CNTN6: variants seen among roughly 807,000 people sequenced by gnomAD.
CNTN6 encodes the protein contactin 6.
Under a neutral mutation model 122.8 loss-of-function variants are expected in CNTN6, and 137 were observed. The observed-to-expected ratio is 1.12, with a 90% CI of 0.97 to 1.29. CNTN6 has a LOEUF of 1.29. Ranked by LOEUF, CNTN6 falls within the 50% of genes most tolerant of loss-of-function variation. The probability of loss-of-function intolerance (pLI) is 0.00; values close to 1 mark genes in which losing one functional copy is unlikely to be tolerated. For synonymous variants in CNTN6, 570 were observed against 426.0 expected (o/e 1.34, Z -4.16); for missense variants, 1,634 against 1,223.4 (o/e 1.34, Z -5.01).
intron 2 of CNTN6, among the ~76,000 whole-genome samples, chr3:1,171,736 C>T (rs1207324671): frequency 6.6e-6 from 1 of 152,038 alleles, no homozygotes; most frequent in African/African-American, 2.4e-5. Context: ...CCTCCCAAGT[C>T]CCTGGGACTA....
In CNTN6 at chr3:1,321,924, T is replaced by A. The variant is rs1700918083; in HGVS notation, c.946+90T>A. The A allele has an allele frequency of 3.5e-6, 4 of 1,152,032 alleles. No homozygotes were observed. In the East Asian group the frequency reaches 1.0e-4, roughly 29 times the overall value. The allele number at this position is 1,152,032 out of a possible 1,614,324, so 71.4% of individuals were successfully genotyped here. A position where few individuals can be genotyped will look rare whatever the true frequency, so the allele number is the denominator to read the frequency against. Reference sequence around the variant, plus strand: ...AAGTCATTAGCATGTTGTGAAAAAGTGTCACGGGAGAAATAAGGAAGGCAT... The same window carrying A: ...AAGTCATTAGCATGTTGTGAAAAAGAGTCACGGGAGAAATAAGGAAGGCAT... On this transcript the variant is annotated intron_variant, in intron 8 of 22. Coordinates refer to ENST00000446702, the MANE Select transcript of CNTN6 (RefSeq NM_001289080.2).
At chr3:1,278,530 C>G (rs375611295) in intron 5 of CNTN6, 22 bp downstream of exon 5, 1 of 1,548,764 alleles carries the variant, frequency 6.5e-7, no homozygotes, top group Middle Eastern at 1.7e-4. Context: ...TGATTTGGGT[C>G]ATATCATCAA....
intron 16 of CNTN6, among the ~76,000 whole-genome samples, chr3:1,375,171 G>A (rs1391241138): frequency 6.6e-6 from 1 of 151,990 alleles, no homozygotes; most frequent in African/African-American, 2.4e-5. Context: ...GAATCTTCAG[G>A]TGTTGTCCAT....
chr3:1,325,921 G>T lies in CNTN6; in HGVS notation c.1053G>T (p.Trp351Cys). The T allele has an allele frequency of 6.2e-7, 1 of 1,610,574 alleles. No individual in the cohort carries two copies. Among genetic ancestry groups the T allele is most frequent in the African/African-American group, 1.3e-5 (1 of 74,708 alleles). ...ASGKPNPWYT[W>C]LKNGERLNPE... ...GAAAGCCAAACCCTTGGTATACATG[G>T]TTAAAAAATGGTGAACGACTCAACC... Residue 351 changes from tryptophan (W) to cysteine (C), a missense_variant, in exon 9 of 23, where the codon TGG becomes TGT. Physicochemically the swap from Trp to Cys is radical, Grantham distance 215 (BLOSUM62 -2). Coordinates refer to ENST00000446702, the MANE Select transcript of CNTN6 (RefSeq NM_001289080.2).
chr3:1,281,394 G>T (rs6806144), intron 5 of CNTN6, among the ~76,000 whole-genome samples: 1 of 151,172 alleles, frequency 6.6e-6, no homozygotes, highest in Non-Finnish European at 1.5e-5. Flanking sequence ...TCGTGTGTAA[G>T]TATTAAACAA....
At chr3:1,322,111 A>G (rs368042178) in intron 8 of CNTN6, among the ~76,000 whole-genome samples, 3 of 151,872 alleles carry the variant, frequency 2.0e-5, no homozygotes, top group African/African-American at 7.2e-5. Flanking sequence ...TTATAATAAA[A>G]GGAAGCATGA....
intron 1 of CNTN6, among the ~76,000 whole-genome samples, chr3:1,124,515 A>G (rs13319279): frequency 0.13 from 19,218 of 151,822 alleles, 2,148 homozygotes; most frequent in African/African-American, 0.3. Flanking sequence ...GAATGATATA[A>G]TCGAGTTTGG....
rs774632448 is a variant in CNTN6 at position 1,372,966 on chromosome 3, A to G, written c.1786+11A>G. ...ATATCATTGTTAGAGGTAAGCATAAATGGTGAAAAAGTGATCACATTGTTT... is the reference window on the plus strand; with the variant it reads ...ATATCATTGTTAGAGGTAAGCATAAGTGGTGAAAAAGTGATCACATTGTTT... On this transcript the variant is annotated intron_variant, in intron 14 of 22. Coordinates refer to ENST00000446702, the MANE Select transcript of CNTN6 (RefSeq NM_001289080.2). 6.9e-7 allele frequency: 1 copy of G among 1,456,428 alleles called. No individual in the cohort carries two copies. Among genetic ancestry groups the G allele is most frequent in the South Asian group, 1.2e-5 (1 of 84,184 alleles). The allele number at this position is 1,456,428 out of a possible 1,614,324, so 90.2% of individuals were successfully genotyped here.
intron 22 of CNTN6, chr3:1,402,781 A>G: frequency 3.9e-6 from 1 of 259,214 alleles, no homozygotes; most frequent in Non-Finnish European, 7.3e-6. Context: ...AATCAGAAAG[A>G]TTTTTCATAG....
chr3:1,129,095 T>G (rs1251153278), intron 1 of CNTN6, among the ~76,000 whole-genome samples: 1 of 152,038 alleles, frequency 6.6e-6, no homozygotes, highest in Non-Finnish European at 1.5e-5. Flanking sequence ...ATGCTGTGCT[T>G]GGGAACTACT....
chr3:1,287,318 C>T (rs764295881), intron 5 of CNTN6, among the ~76,000 whole-genome samples: 6 of 152,182 alleles, frequency 3.9e-5, no homozygotes, highest in Non-Finnish European at 7.3e-5. Context: ...AGATGCCAAT[C>T]GCACTGCCTC....
intron 7 of CNTN6, among the ~76,000 whole-genome samples, chr3:1,301,602 A>C (rs552096370): frequency 1.1e-3 from 167 of 152,340 alleles, no homozygotes; most frequent in African/African-American, 3.8e-3. Flanking sequence ...TTAATAGAGT[A>C]CACTCCCTAA....
chr3:1,377,150 G>C, intron 17 of CNTN6, 75 bp downstream of exon 17: 1 of 1,017,364 alleles, frequency 9.8e-7, no homozygotes, highest in South Asian at 1.5e-5. Context: ...AAAACAAAAA[G>C]ATTTATTTGA....
intron 2 of CNTN6, among the ~76,000 whole-genome samples, chr3:1,166,286 T>C (rs1559438586): frequency 6.6e-6 from 1 of 152,146 alleles, no homozygotes; most frequent in African/African-American, 2.4e-5. Context: ...ACATCTAGGA[T>C]ACAAATCAGT....
At chr3:1,293,103 G>T (rs536720049) in intron 5 of CNTN6, among the ~76,000 whole-genome samples, 2 of 152,176 alleles carry the variant, frequency 1.3e-5, no homozygotes, top group South Asian at 4.2e-4. Context: ...CCATTCCTGG[G>T]AACGATATCA....
chr3:1,373,127 A>T (rs564516001), intron 14 of CNTN6, among the ~76,000 whole-genome samples, 172 bp downstream of exon 14: 1 of 152,206 alleles, frequency 6.6e-6, no homozygotes, highest in East Asian at 1.9e-4. Flanking sequence ...GTGAATACAG[A>T]CATGGAACTG....
At chr3:1,358,934 C>A (rs1269060817) in intron 12 of CNTN6, among the ~76,000 whole-genome samples, 1 of 151,858 alleles carries the variant, frequency 6.6e-6, no homozygotes, top group East Asian at 1.9e-4. Context: ...GTGGCATATG[C>A]CTGTTGTCCC....
chr3:1,210,644 T>G (rs551194135), intron 2 of CNTN6, among the ~76,000 whole-genome samples: 1 of 152,280 alleles, frequency 6.6e-6, no homozygotes, highest in Non-Finnish European at 1.5e-5. Context: ...CACTCTGGAC[T>G]TGGAGTCAAA....
intron 4 of CNTN6, among the ~76,000 whole-genome samples, chr3:1,271,754 C>CATTTTTGG (rs2095031506): frequency 6.6e-6 from 1 of 152,106 alleles, no homozygotes; most frequent in African/African-American, 2.4e-5. Context: ...GCAATTTGTA[C>CATTTTTGG]AACTTTTTGG....
Sources: gnomAD v4.1 joint callset for allele counts (sites outside exome capture counted in the v4.1 genomes callset) on GRCh38, gnomAD v4.1.1 for gene constraint, MANE v1.5 for transcripts, NCBI Gene and HGNC (gene_info 2026-07-23, HGNC 2026-07-21) for gene names.